The following INVS variants were observed in gnomAD, a reference collection of about 807,000 sequenced individuals.
INVS encodes the protein inversin.
A neutral mutation model predicts 108.8 loss-of-function variants in INVS; 86 were observed. The observed-to-expected ratio is 0.79, with a 90% CI of 0.66 to 0.95. INVS has a LOEUF of 0.95. INVS is among the 40% of genes least tolerant of loss of function. The pLI is 0.00. For missense variants in INVS, 1,169 were observed against 1,297.4 expected, an observed-to-expected ratio of 0.90 and a Z score of 1.52; for synonymous variants, 455 against 473.5, an observed-to-expected ratio of 0.96 and a Z score of 0.51.
intron 13 of INVS, among the ~76,000 whole-genome samples, chr9:100,287,676 T>C (rs903277235): frequency 2.6e-5 from 4 of 152,202 alleles, no homozygotes; most frequent in African/African-American, 7.2e-5. Flanking sequence ...AAGAAGGTGC[T>C]TGCTTCCCCT....
rs182049667 is a variant in INVS at position 100,181,981 on chromosome 9, T to C, written c.274-44081T>C. Among the ~76,000 whole-genome samples the C allele has an allele frequency of 3.9e-5, 6 of 152,228 alleles. No homozygotes were observed. The East Asian group carries it at 5.8e-4, about 15-fold the overall frequency. On this transcript the variant is annotated intron_variant, in intron 3 of 16. Coordinates refer to ENST00000262457, the MANE Select transcript of INVS (RefSeq NM_014425.5). ...ACCCAACACATCTACAACCATCTAA[T>C]CTTTGACAAACCTGACAAAAACAAG...
intron 3 of INVS, among the ~76,000 whole-genome samples, chr9:100,192,047 G>A (rs1830238136): frequency 6.6e-6 from 1 of 152,100 alleles, no homozygotes; most frequent in South Asian, 2.1e-4. Context: ...ACTGTCTTAA[G>A]TTTTCCATCT....
intron 3 of INVS, chr9:100,176,082 A>G: frequency 2.1e-6 from 1 of 477,898 alleles, no homozygotes; most frequent in East Asian, 5.0e-5. Context: ...ATATTACTCA[A>G]TTTCAGTCTG....
rs1831445914 is a variant in INVS, at chr9:100,229,703, A to G, written c.491A>G (p.His164Arg). The change falls in exon 5 of 17, where the codon CAT becomes CGT. Residue 164 changes from histidine (H) to arginine (R), a missense_variant. This residue lies in a region of INVS where 365 missense variants were observed against 397.5 expected (regional missense o/e 0.92). Coordinates refer to ENST00000262457, the MANE Select transcript of INVS (RefSeq NM_014425.5). ...HWSAYYNNPE[H>R]VKLLIKHDSN... is the part of the protein sequence containing the mutation. ...AGTGCCTACTACAATAACCCTGAGC[A>G]TGTGAAGCTGCTCATCAAGCATGAT... 2.5e-6 allele frequency: 4 copies of G among 1,614,152 alleles called. No individual in the cohort carries two copies. The highest frequency in any genetic ancestry group is 2.2e-5 in the East Asian group (1 of 44,874).
chr9:100,117,447 C>T, intron 2 of INVS: 2 of 789,848 alleles, frequency 2.5e-6, no homozygotes, highest in East Asian at 2.4e-5. Flanking sequence ...AGCTTGGTGA[C>T]GGGCATGCAC....
intron 3 of INVS, among the ~76,000 whole-genome samples, chr9:100,182,602 A>G (rs1324140125): frequency 6.6e-6 from 1 of 152,186 alleles, no homozygotes; most frequent in Non-Finnish European, 1.5e-5. Flanking sequence ...TGCCAGTTAG[A>G]ATGGCGATCA....
At chr9:100,148,284 G>A (rs964620538) in intron 3 of INVS, among the ~76,000 whole-genome samples, 4 of 152,098 alleles carry the variant, frequency 2.6e-5, no homozygotes, top group African/African-American at 9.7e-5. Flanking sequence ...AGGAAGGAAT[G>A]ATGCAGACTA....
chr9:100,274,110 C>G (rs1386156476), intron 12 of INVS, among the ~76,000 whole-genome samples: 2 of 152,022 alleles, frequency 1.3e-5, no homozygotes, highest in Non-Finnish European at 2.9e-5. Context: ...GTAATCCCAG[C>G]ACTTTGGGAG....
Position 100,129,659 on chromosome 9 carries a change from A to G in INVS, c.273+3110A>G, listed in dbSNP as rs146510921. 37 of 705,304 alleles carry G rather than the reference A, an allele frequency of 5.2e-5. No individual in the cohort carries two copies. The East Asian group carries it at 8.3e-4, about 16-fold the overall frequency. The allele number at this position is 705,304 out of a possible 1,614,324, so 43.7% of individuals were successfully genotyped here. The stretch of plus-strand genomic sequence containing the variant: ...ATCTGTAAAAACTGAATAAAATACT[A>G]TATACATTGTTTGAAGGCATTGAGA... On this transcript the variant is annotated intron_variant, in intron 3 of 16. Transcript: ENST00000262457.
At chr9:100,148,232 A>G (rs1828689909) in intron 3 of INVS, among the ~76,000 whole-genome samples, 1 of 152,244 alleles carries the variant, frequency 6.6e-6, no homozygotes, top group African/African-American at 2.4e-5. Context: ...TTCTAAAGAC[A>G]TATAAGAAAC....
At chr9:100,138,450 C>G (rs895601631) in intron 3 of INVS, among the ~76,000 whole-genome samples, 2 of 151,912 alleles carry the variant, frequency 1.3e-5, no homozygotes, top group African/African-American at 4.8e-5. Flanking sequence ...ACATTTAACC[C>G]TCAGAGCAAC....
intron 3 of INVS, among the ~76,000 whole-genome samples, chr9:100,146,699 G>T (rs889370574): frequency 6.6e-6 from 1 of 152,130 alleles, no homozygotes; most frequent in Admixed American, 6.5e-5. Context: ...AAGACAGTTT[G>T]TTAGGTGAAA....
intron 3 of INVS, among the ~76,000 whole-genome samples, chr9:100,142,024 A>G (rs1451817384): frequency 6.6e-6 from 1 of 152,226 alleles, no homozygotes; most frequent in Non-Finnish European, 1.5e-5. Context: ...TGTGAGGGAC[A>G]GAAGTTGGAA....
chr9:100,300,764 A>C lies in INVS; in HGVS notation c.*90A>C. On this transcript the variant is annotated 3_prime_UTR_variant, in exon 17 of 17. Coordinates refer to ENST00000262457, the MANE Select transcript of INVS (RefSeq NM_014425.5). ...GCTGATAATCTTTTACACCTTGGGAAAACTTTAATATCCGTACCTGAAGGC... is the reference window on the plus strand; with the variant it reads ...GCTGATAATCTTTTACACCTTGGGACAACTTTAATATCCGTACCTGAAGGC... 1.1e-6 allele frequency: 1 copy of C among 873,138 alleles called. No individual in the cohort carries two copies. Among genetic ancestry groups the C allele is most frequent in the African/African-American group, 1.7e-5 (1 of 60,176 alleles). 54.1% of individuals were successfully genotyped at this position (873,138 alleles called of 1,614,324 possible). A position where few individuals can be genotyped will look rare whatever the true frequency, so the allele number is the denominator to read the frequency against.
intron 16 of INVS, among the ~76,000 whole-genome samples, chr9:100,300,143 T>C (rs963866890): frequency 6.6e-6 from 1 of 152,216 alleles, no homozygotes; most frequent in African/African-American, 2.4e-5. Context: ...CATTTTGATA[T>C]TCCCATCAGC....
chr9:100,285,777 A>G (rs1275085497), intron 13 of INVS, among the ~76,000 whole-genome samples: 1 of 152,228 alleles, frequency 6.6e-6, no homozygotes, highest in African/African-American at 2.4e-5. Context: ...ATCTGGAGTC[A>G]GTCACATAGA....
At chr9:100,115,200 TTAA>T (rs1461989644) in intron 2 of INVS, among the ~76,000 whole-genome samples, 1 of 152,152 alleles carries the variant, frequency 6.6e-6, no homozygotes, top group East Asian at 1.9e-4. Context: ...TCCCTGTGTG[TTAA>T]TGATGTTGAG....
At chr9:100,172,827 A>G (rs529148774) in intron 3 of INVS, among the ~76,000 whole-genome samples, 2 of 152,346 alleles carry the variant, frequency 1.3e-5, no homozygotes, top group African/African-American at 2.4e-5. Context: ...CTTAAGATTG[A>G]GTGGCTATTC....
At chr9:100,138,114 G>A (rs1271562459) in intron 3 of INVS, among the ~76,000 whole-genome samples, 2 of 152,042 alleles carry the variant, frequency 1.3e-5, no homozygotes, top group African/African-American at 4.8e-5. Flanking sequence ...TAAAATATAT[G>A]TAACTCCTCA....
Sources: allele counts gnomAD v4.1 joint callset (sites outside exome capture counted in the v4.1 genomes callset), GRCh38; gene constraint gnomAD v4.1.1; regional missense constraint gnomAD v4.1.1; transcripts MANE v1.5; gene names NCBI Gene and HGNC (gene_info 2026-07-23, HGNC 2026-07-21).